Variants in CSMD1 observed in about 807,000 individuals in gnomAD.
CSMD1 encodes the protein CUB and sushi domain-containing protein 1.
A neutral mutation model predicts 417.5 loss-of-function variants in CSMD1; 213 were observed. The observed-to-expected ratio is 0.51, with a 90% confidence interval of 0.46 to 0.57. The LOEUF is 0.57. Ranked by LOEUF, CSMD1 falls within the 20% of genes least tolerant of loss-of-function variation. The pLI is 0.00. For missense variants in CSMD1, 6,923 were observed against 4,529.7 expected (o/e 1.53, Z -15.17); for synonymous variants, 2,862 against 1,736.8 (o/e 1.65, Z -16.11).
intron 10 of CSMD1, among the ~76,000 whole-genome samples, chr8:3,506,209 A>G (rs1796820138): frequency 1.3e-5 from 2 of 152,108 alleles, no homozygotes; most frequent in African/African-American, 4.8e-5. Context: ...ACGAGCTGTC[A>G]GGGAGACGGC....
chr8:3,945,356 G>C (rs777999790), intron 5 of CSMD1, among the ~76,000 whole-genome samples: 98 of 152,004 alleles, frequency 6.4e-4, no homozygotes, highest in Non-Finnish European at 1.4e-3. Flanking sequence ...TGTCCACAAA[G>C]CTTTCATAAA....
Position 3,495,256 on chromosome 8 carries a change from G to C in CSMD1, c.1345-1530C>G, listed in dbSNP as rs529345916. Among the ~76,000 whole-genome samples, 7 of 152,204 alleles carry C rather than the reference G, an allele frequency of 4.6e-5. No homozygotes were observed. The South Asian group carries it at 1.2e-3, about 27-fold the overall frequency. On this transcript the variant is annotated intron_variant, in intron 10 of 69. Coordinates refer to ENST00000635120, the MANE Select transcript of CSMD1 (RefSeq NM_033225.6). Reference sequence around the variant, plus strand: ...ATAAGTGACCATCATCTGATAATCAGACAATTTTAAAACTGAAAGAATCAT... The same window carrying C: ...ATAAGTGACCATCATCTGATAATCACACAATTTTAAAACTGAAAGAATCAT...
intron 5 of CSMD1, among the ~76,000 whole-genome samples, chr8:3,979,357 G>C (rs988717316): frequency 1.3e-5 from 2 of 152,204 alleles, no homozygotes; most frequent in South Asian, 2.1e-4. Flanking sequence ...TAAGGCATGA[G>C]AGAATGACTA....
chr8:2,992,018 G>A (rs1033499321), intron 54 of CSMD1, among the ~76,000 whole-genome samples: 5 of 152,134 alleles, frequency 3.3e-5, no homozygotes, highest in African/African-American at 9.7e-5. Context: ...TTCCATATGA[G>A]AAACAACCAG....
intron 1 of CSMD1, among the ~76,000 whole-genome samples, chr8:4,828,259 T>G (rs555740522): frequency 6.6e-6 from 1 of 152,228 alleles, no homozygotes; most frequent in Non-Finnish European, 1.5e-5. Context: ...ATATGTTCCA[T>G]GCACTTAGTA....
At chr8:3,073,172 G>A (rs1813427940) in intron 49 of CSMD1, among the ~76,000 whole-genome samples, 2 of 152,108 alleles carry the variant, frequency 1.3e-5, no homozygotes, top group Admixed American at 6.6e-5. Flanking sequence ...TGACTTGAAT[G>A]CATTTGATAT....
chr8:4,600,745 C>G (rs1450041880), intron 2 of CSMD1, among the ~76,000 whole-genome samples: 3 of 152,098 alleles, frequency 2.0e-5, no homozygotes, highest in African/African-American at 7.2e-5. Context: ...CTCATCTGCT[C>G]TTTATGGGAA....
chr8:4,750,134 T>A (rs979062022), intron 1 of CSMD1, among the ~76,000 whole-genome samples: 1 of 151,996 alleles, frequency 6.6e-6, no homozygotes, highest in Non-Finnish European at 1.5e-5. Flanking sequence ...GCCTCCCGAG[T>A]AGCTGGGACT....
chr8:4,375,224 T>A (rs1802656072), intron 3 of CSMD1, among the ~76,000 whole-genome samples: 1 of 152,146 alleles, frequency 6.6e-6, no homozygotes, highest in Non-Finnish European at 1.5e-5. Context: ...ATAGATAGTT[T>A]GGATGGTCTT....
intron 9 of CSMD1, among the ~76,000 whole-genome samples, chr8:3,583,486 T>A (rs1021590453): frequency 2.6e-5 from 4 of 151,886 alleles, no homozygotes; most frequent in African/African-American, 9.7e-5. Context: ...TTAGCAGAAG[T>A]GGTTCTGTGA....
chr8:3,919,963 T>C (rs932626106), intron 5 of CSMD1, among the ~76,000 whole-genome samples: 1 of 152,120 alleles, frequency 6.6e-6, no homozygotes, highest in Non-Finnish European at 1.5e-5. Flanking sequence ...AGTCTTGTAT[T>C]TTTAGTGTGT....
intron 8 of CSMD1, among the ~76,000 whole-genome samples, chr8:3,606,090 G>T (rs117080919): frequency 2.0e-3 from 297 of 152,272 alleles, no homozygotes; most frequent in Non-Finnish European, 2.9e-3. Flanking sequence ...ACTCAAAGAT[G>T]CTAGGAAACG....
At chr8:4,542,324 A>T (rs190890946) in intron 2 of CSMD1, among the ~76,000 whole-genome samples, 1 of 151,984 alleles carries the variant, frequency 6.6e-6, no homozygotes, top group African/African-American at 2.4e-5. Context: ...GTCGTTCTCC[A>T]TAACAGAAAA....
chr8:3,971,799 T>C (rs2740815), intron 5 of CSMD1, among the ~76,000 whole-genome samples: 1 of 152,168 alleles, frequency 6.6e-6, no homozygotes, highest in African/African-American at 2.4e-5. Context: ...GAATTAAATA[T>C]TAACTTACTT....
Position 3,308,394 on chromosome 8 carries a change from C to T in CSMD1, c.3741G>A (p.Gly1247=), listed in dbSNP as rs1227562124. ...DTVVLYSCNP[G]YAMHGSNTLT... ...GGGTGTTGCTGCCATGCATGGCGTA[C>T]CCCGGGTTGCAACTGTACAGAACTA... The change falls in exon 24 of 70, where the codon GGG becomes GGA. Residue 1247 remains glycine (G), a synonymous_variant. Transcript: ENST00000635120. 3 of 1,613,650 alleles carry T rather than the reference C, an allele frequency of 1.9e-6. No homozygotes were observed. Among genetic ancestry groups the T allele is most frequent in the Admixed American group, 1.7e-5 (1 of 59,996 alleles).
chr8:4,448,286 C>G (rs575800029), intron 2 of CSMD1, among the ~76,000 whole-genome samples: 3 of 151,946 alleles, frequency 2.0e-5, no homozygotes, highest in Non-Finnish European at 4.4e-5. Flanking sequence ...AGTTATAACA[C>G]AAAAAAGGGT....
At chr8:3,263,023 C>T (rs1025246759) in intron 26 of CSMD1, among the ~76,000 whole-genome samples, 9 of 152,164 alleles carry the variant, frequency 5.9e-5, no homozygotes, top group African/African-American at 1.4e-4. Context: ...ATCTCCTTGA[C>T]CCATAAATTC....
chr8:3,933,012 G>C (rs1384485761), intron 5 of CSMD1, among the ~76,000 whole-genome samples: 1 of 128,010 alleles, frequency 7.8e-6, no homozygotes, highest in African/African-American at 3.0e-5. Context: ...TAACATTATA[G>C]AACAAGTGAA....
intron 1 of CSMD1, among the ~76,000 whole-genome samples, chr8:4,652,172 G>A (rs1371752182): frequency 1.3e-5 from 2 of 152,136 alleles, no homozygotes; most frequent in African/African-American, 4.8e-5. Flanking sequence ...CAATTATAAA[G>A]CATTGAGGGA....
Sources: gnomAD v4.1 joint callset for allele counts (sites outside exome capture counted in the v4.1 genomes callset) on GRCh38, gnomAD v4.1.1 for gene constraint, MANE v1.5 for transcripts, NCBI Gene and HGNC (gene_info 2026-07-23, HGNC 2026-07-21) for gene names.